The following NT5C1B variants were observed in gnomAD, a reference collection of about 807,000 sequenced individuals.
NT5C1B encodes cytosolic 5'-nucleotidase 1B.
Under a neutral mutation model 57.8 loss-of-function variants are expected in NT5C1B, and 44 were observed. That is an observed-to-expected ratio of 0.76 (90% CI 0.60 to 0.98). The LOEUF is 0.98. NT5C1B is among the 50% of genes least tolerant of loss of function. NT5C1B has a pLI of 0.00. For synonymous variants in NT5C1B, 284 were observed against 282.6 expected, an observed-to-expected ratio of 1.00 and a Z score of -0.05; for missense variants, 742 against 719.5, an observed-to-expected ratio of 1.03 and a Z score of -0.36.
intron 5 of NT5C1B, 73 bp from the exon 6 acceptor site, chr2:18,583,070 A>G (rs1481686850): frequency 2.0e-6 from 3 of 1,538,298 alleles, no homozygotes; most frequent in Admixed American, 3.8e-5. Context: ...GAGAGGAAGC[A>G]TCTCATCAGA....
chr2:18,583,076 T>A, intron 5 of NT5C1B, 79 bp from the exon 6 acceptor site: 1 of 1,516,956 alleles, frequency 6.6e-7, no homozygotes. Flanking sequence ...AAGCATCTCA[T>A]CAGAGTCAAA....
At position 18,584,280 on chromosome 2, in the gene NT5C1B, G is replaced by A. The variant is rs1046211528; in HGVS notation, c.724-25C>T. ...GCTGCAGAGAGGGACGCCAAAGGGA[G>A]GATAGTCACATAGCCACGAAGAGGA... is the stretch of plus-strand genomic sequence containing the variant. On this transcript the variant is annotated intron_variant, in intron 4 of 8. Transcript: ENST00000304081. This position sits in a 1 kb window ranked among gnomAD's most constrained non-coding sequence, Gnocchi z 5.8. The A allele has an allele frequency of 1.2e-6, 2 of 1,608,832 alleles. No homozygotes were observed. The highest frequency in any genetic ancestry group is 3.3e-5 in the Admixed American group (2 of 59,824).
intron 2 of NT5C1B, chr2:18,587,249 T>TCC (rs1000203703): frequency 1.3e-6 from 2 of 1,521,712 alleles, no homozygotes; most frequent in Non-Finnish European, 1.8e-6. Flanking sequence ...AAGACCAGTC[T>TCC]CCCCCCTGTG....
rs1572391180 is a variant in NT5C1B, at chr2:18,587,651, G to T, written c.31-59C>A. ...TTAATCTCAGGGCATTAGGAACTTT[G>T]GCTTTCAGAATAAAAGGATAAAGAA... On this transcript the variant is annotated intron_variant, in intron 1 of 8. Transcript: ENST00000304081. The T allele has an allele frequency of 3.2e-6, 5 of 1,560,188 alleles. No individual in the cohort carries two copies. In the East Asian group the frequency reaches 1.1e-4, roughly 35 times the overall value.
At chr2:18,571,573 T>C (rs1428340673) in intron 8 of NT5C1B, among the ~76,000 whole-genome samples, 1 of 151,444 alleles carries the variant, frequency 6.6e-6, no homozygotes, top group African/African-American at 2.4e-5. Flanking sequence ...TGTTAAGATA[T>C]CTATTATCCC....
chr2:18,564,790 A>C (rs1423829793), intron 8 of NT5C1B, among the ~76,000 whole-genome samples: 4 of 152,140 alleles, frequency 2.6e-5, no homozygotes, highest in Non-Finnish European at 4.4e-5. Flanking sequence ...CCATGTTTTA[A>C]AATTTTTAAA....
At chr2:18,574,239 C>T (rs1461202515) in intron 8 of NT5C1B, among the ~76,000 whole-genome samples, 2 of 151,976 alleles carry the variant, frequency 1.3e-5, no homozygotes, top group African/African-American at 4.8e-5. Context: ...CATTAATCAT[C>T]AGAGAAATCC....
intron 8 of NT5C1B, among the ~76,000 whole-genome samples, chr2:18,572,910 T>C (rs1665337197): frequency 6.6e-6 from 1 of 152,196 alleles, no homozygotes; most frequent in Non-Finnish European, 1.5e-5. Flanking sequence ...AAATAAAACA[T>C]ACACTATTTA....
In NT5C1B at chr2:18,585,095, C is replaced by T. The variant is rs199584343; in HGVS notation, c.259-117G>A. ...TTTGATGGGTGCTGGTTCATCTCAGCTCCTTAAGTAGGGCTTAAGGGACTC... is the reference window on the plus strand; with the variant it reads ...TTTGATGGGTGCTGGTTCATCTCAGTTCCTTAAGTAGGGCTTAAGGGACTC... On this transcript the variant is annotated intron_variant, in intron 3 of 8. Transcript: ENST00000304081. The T allele has an allele frequency of 1.5e-3, 1,987 of 1,368,472 alleles. 36 individuals carry two copies. The highest frequency in any genetic ancestry group is 7.4e-4 in the African/African-American group (52 of 70,198). 84.8% of individuals were successfully genotyped at this position (1,368,472 alleles called of 1,614,324 possible).
intron 6 of NT5C1B, 141 bp from the exon 7 acceptor site, chr2:18,577,036 C>A: frequency 7.1e-7 from 1 of 1,409,262 alleles, no homozygotes; most frequent in Non-Finnish European, 9.5e-7. Context: ...GGAAAGTTAC[C>A]TTAGAAATAA....
chr2:18,565,839 A>G (rs911073352), intron 8 of NT5C1B, among the ~76,000 whole-genome samples: 7 of 152,078 alleles, frequency 4.6e-5, no homozygotes, highest in Non-Finnish European at 1.5e-5. Flanking sequence ...ATGATTTTAA[A>G]GTTTTTCTTC....
chr2:18,589,529 C>T (rs947020417), exon 1 of NT5C1B: 13 of 1,612,336 alleles, frequency 8.1e-6, no homozygotes, highest in African/African-American at 2.7e-5. Flanking sequence ...AGCTCCATTT[C>T]CTGTCACTTC....
intron 8 of NT5C1B, among the ~76,000 whole-genome samples, chr2:18,572,982 A>G (rs1416586728): frequency 1.3e-5 from 2 of 152,188 alleles, no homozygotes; most frequent in East Asian, 3.8e-4. Flanking sequence ...TTATATTTAC[A>G]CAGAAGTTTG....
In NT5C1B at chr2:18,584,437, C is replaced by A. The variant is rs1338767212; in HGVS notation, c.723+77G>T. The A allele has an allele frequency of 2.6e-6, 4 of 1,551,744 alleles. No individual in the cohort carries two copies. In the East Asian group the frequency reaches 7.1e-5, roughly 28 times the overall value. On this transcript the variant is annotated intron_variant, in intron 4 of 8. Coordinates refer to ENST00000304081, the Ensembl canonical transcript of NT5C1B. The surrounding 1 kb of genome is among the most constrained non-coding windows in gnomAD (Gnocchi z 5.8). Reference sequence around the variant, plus strand: ...GAGGAGAAGCGGGAGGACCTCCCTGCGCAGTGGAGAGGAGGGCGGCTGGAA... The same window carrying A: ...GAGGAGAAGCGGGAGGACCTCCCTGAGCAGTGGAGAGGAGGGCGGCTGGAA...
In NT5C1B at chr2:18,584,358, TTGGAGAAGCGGGATGC is replaced by T. The variant is rs1666474315; in HGVS notation, c.724-119_724-104del. 3.2e-6 allele frequency: 5 copies of T among 1,548,288 alleles called. No homozygotes were observed. Among genetic ancestry groups the T allele is most frequent in the Non-Finnish European group, 2.6e-6 (3 of 1,149,810 alleles). On this transcript the variant is annotated intron_variant, in intron 4 of 8. Transcript: ENST00000304081. The surrounding 1 kb of genome is among the most constrained non-coding windows in gnomAD (Gnocchi z 5.8). Reference sequence around the variant, plus strand: ...TGAGAGTAGGACAGCGGGCCCCTGCTTGGAGAAGCGGGATGCTGGAGACAGCTGAGGCTGGGACTCC... The same window carrying T: ...TGAGAGTAGGACAGCGGGCCCCTGCTTGGAGACAGCTGAGGCTGGGACTCC...
At chr2:18,568,877 T>C (rs1664896907) in intron 8 of NT5C1B, among the ~76,000 whole-genome samples, 1 of 152,322 alleles carries the variant, frequency 6.6e-6, no homozygotes, top group East Asian at 1.9e-4. Flanking sequence ...TAATATCTCA[T>C]ATCTCCCTTA....
intron 8 of NT5C1B, among the ~76,000 whole-genome samples, chr2:18,573,061 G>C (rs1665352370): frequency 6.7e-6 from 1 of 148,220 alleles, no homozygotes. Context: ...TCCTTCAACA[G>C]GTAAATGAAT....
At chr2:18,573,534 A>C (rs1572333438) in intron 8 of NT5C1B, among the ~76,000 whole-genome samples, 1 of 152,148 alleles carries the variant, frequency 6.6e-6, no homozygotes, top group African/African-American at 2.4e-5. Flanking sequence ...TCAAATCAGG[A>C]GATATCAGTT....
chr2:18,582,834 A>G, intron 6 of NT5C1B, 34 bp downstream of exon 6: 1 of 1,603,784 alleles, frequency 6.2e-7, no homozygotes, highest in Non-Finnish European at 8.5e-7. Flanking sequence ...CAGAGCGGAG[A>G]GCTGGTCTTC....
Sources: gnomAD v4.1 joint callset for allele counts (sites outside exome capture counted in the v4.1 genomes callset) on GRCh38, gnomAD v4.1.1 for gene constraint, Gnocchi (gnomAD v3.1) non-coding constraint, MANE v1.5 for transcripts, NCBI Gene and HGNC (gene_info 2026-07-23, HGNC 2026-07-21) for gene names.